NDUFS1: variants seen among roughly 807,000 people sequenced by gnomAD.
The protein encoded by NDUFS1 is NADH:ubiquinone oxidoreductase core subunit S1.
NDUFS1 carries 61 observed loss-of-function variants against 84.4 expected under a neutral mutation model. The observed-to-expected ratio is 0.72, with a 90% confidence interval of 0.59 to 0.89. The LOEUF is 0.89. NDUFS1 is among the 40% of genes least tolerant of loss of function. The pLI, the probability that NDUFS1 is intolerant of heterozygous loss-of-function variation, is 0.00. For synonymous variants in NDUFS1, 275 were observed against 290.0 expected, an observed-to-expected ratio of 0.95 and a Z score of 0.53; for missense variants, 891 against 890.0, an observed-to-expected ratio of 1.00 and a Z score of -0.01.
At chr2:206,150,871 A>G (rs889683543) in intron 3 of NDUFS1, among the ~76,000 whole-genome samples, 5 of 152,086 alleles carry the variant, frequency 3.3e-5, no homozygotes, top group Non-Finnish European at 7.4e-5. Flanking sequence ...GTTCTAAAGA[A>G]CTATTTGTCT....
At chr2:206,141,589 A>T (rs1046777384) in intron 12 of NDUFS1, among the ~76,000 whole-genome samples, 11 of 102,324 alleles carry the variant, frequency 1.1e-4, no homozygotes, top group Middle Eastern at 5.1e-3. Flanking sequence ...CTAAAAAATT[A>T]AAAAAATTAA....
At chr2:206,138,215 C>G (rs1691794749) in intron 13 of NDUFS1, among the ~76,000 whole-genome samples, 1 of 152,096 alleles carries the variant, frequency 6.6e-6, no homozygotes, top group South Asian at 2.1e-4. Context: ...TTCAGCCTCC[C>G]AAGTAGCTGA....
Position 206,132,395 on chromosome 2 carries a change from G to A in NDUFS1, c.1553+550C>T, listed in dbSNP as rs4147722. Among the ~76,000 whole-genome samples, 797 of 152,178 alleles carry A rather than the reference G, an allele frequency of 5.2e-3. 41 individuals carry two copies. The East Asian group carries it at 0.11, about 22-fold the overall frequency. Reference sequence around the variant, plus strand: ...GCCCAGGAGTTTGAGATCAACCTGGGCAACATAGTGAGACTTTATCTCTAC... The same window carrying A: ...GCCCAGGAGTTTGAGATCAACCTGGACAACATAGTGAGACTTTATCTCTAC... On this transcript the variant is annotated intron_variant, in intron 14 of 18. Transcript: ENST00000233190.
chr2:206,145,138 T>A, intron 8 of NDUFS1, 112 bp from the exon 9 acceptor site: 1 of 1,089,398 alleles, frequency 9.2e-7, no homozygotes, highest in Non-Finnish European at 1.3e-6. Context: ...TGAATTACTT[T>A]AAAAAATGAA....
intron 13 of NDUFS1, 108 bp from the exon 14 acceptor site, chr2:206,133,213 T>C (rs1448771588): frequency 3.5e-6 from 3 of 868,246 alleles, no homozygotes; most frequent in Non-Finnish European, 1.8e-6. Flanking sequence ...AGGTGTAACA[T>C]GAATGTCTTC....
intron 12 of NDUFS1, among the ~76,000 whole-genome samples, chr2:206,140,288 G>C (rs918169931): frequency 6.6e-6 from 1 of 152,072 alleles, no homozygotes; most frequent in African/African-American, 2.4e-5. Context: ...GGTCAAGGCT[G>C]CAGTGAGGTG....
rs1273282357 is a variant in NDUFS1 at position 206,159,078 on chromosome 2, G to T, written c.-5+263C>A. On this transcript the variant is annotated intron_variant, in intron 1 of 18. Coordinates refer to ENST00000233190, the MANE Select transcript of NDUFS1 (RefSeq NM_005006.7). ...TCCTGAATTTTCCCTGCAGAGGGAA[G>T]GTCACCTGCAAGCCTACATTCGTGA... 2.0e-6 allele frequency: 3 copies of T among 1,535,612 alleles called. No homozygotes were observed. The East Asian group carries it at 7.3e-5, about 38-fold the overall frequency.
At position 206,123,994 on chromosome 2, in the gene NDUFS1, C is replaced by T. The variant is rs541193818; in HGVS notation, c.*191G>A. 7 of 569,246 alleles carry T rather than the reference C, an allele frequency of 1.2e-5. No homozygotes were observed. The highest frequency in any genetic ancestry group is 2.2e-5 in the Non-Finnish European group (7 of 322,908). The allele number at this position is 569,246 out of a possible 1,614,324, so 35.3% of individuals were successfully genotyped here. A position where few individuals can be genotyped will look rare whatever the true frequency, so the allele number is the denominator to read the frequency against. ...ATAGTTTTGTTATTTAACCTTTACACACAATACATGTTTTTCAAACTGCAA... is the reference window on the plus strand; with the variant it reads ...ATAGTTTTGTTATTTAACCTTTACATACAATACATGTTTTTCAAACTGCAA... On this transcript the variant is annotated 3_prime_UTR_variant, in exon 19 of 19. Coordinates refer to ENST00000233190, the MANE Select transcript of NDUFS1 (RefSeq NM_005006.7).
At chr2:206,154,922 CTTTTTTTTTTTT>C (rs71034412) in intron 1 of NDUFS1, among the ~76,000 whole-genome samples, 2 of 100,826 alleles carry the variant, frequency 2.0e-5, no homozygotes, top group Non-Finnish European at 3.7e-5. Flanking sequence ...GTGCCCGGCC[CTTTTTTTTTTTT>C]TTTTTTTTTG....
intron 3 of NDUFS1, 70 bp from the exon 4 acceptor site, chr2:206,149,995 G>GTATGTGTGTGTTTCAGCAAT: frequency 2.0e-6 from 2 of 990,966 alleles, no homozygotes; most frequent in Non-Finnish European, 3.2e-6. Context: ...TGTTATTGCT[G>GTATGTGTGTGTTTCAGCAAT]AAACACACAC....
chr2:206,137,482 AAG>A (rs765298417), intron 13 of NDUFS1, among the ~76,000 whole-genome samples: 5 of 151,804 alleles, frequency 3.3e-5, no homozygotes, highest in African/African-American at 4.8e-5. Flanking sequence ...GCCAAGGAAA[AAG>A]AAAAAAAAAG....
chr2:206,149,597 G>C (rs1005896898), intron 4 of NDUFS1, among the ~76,000 whole-genome samples: 9 of 125,170 alleles, frequency 7.2e-5, no homozygotes, highest in Non-Finnish European at 1.5e-4. Flanking sequence ...TTAATTTCTA[G>C]ATATGTTACA....
rs973936763 is a variant in NDUFS1 at position 206,147,038 on chromosome 2, C to G, written c.602G>C (p.Gly201Ala). ...GTATGTGCCAACTTGCATATCATTT[C>G]CTCTGCCTGTTGTTCCCAAATCATC... Reference protein sequence around the residue: ...GVDDLGTTGRGNDMQVGTYIE... With the variant: ...GVDDLGTTGRANDMQVGTYIE... The change falls in exon 8 of 19, where the codon GGA becomes GCA. Residue 201 changes from glycine to alanine, a missense_variant. Coordinates refer to ENST00000233190, the MANE Select transcript of NDUFS1 (RefSeq NM_005006.7). 1.2e-6 allele frequency: 2 copies of G among 1,614,132 alleles called. No homozygotes were observed. The highest frequency in any genetic ancestry group is 1.7e-6 in the Non-Finnish European group (2 of 1,180,014).
chr2:206,130,603 T>C (rs10197764), intron 14 of NDUFS1, among the ~76,000 whole-genome samples: 3,996 of 152,126 alleles, frequency 0.026, 178 homozygotes, highest in African/African-American at 0.092. Context: ...GATCCACCTG[T>C]CTTGGCCTCC....
chr2:206,148,775 T>C (rs1470651800), intron 5 of NDUFS1, among the ~76,000 whole-genome samples: 1 of 152,212 alleles, frequency 6.6e-6, no homozygotes, highest in Non-Finnish European at 1.5e-5. Flanking sequence ...AGATTCACCC[T>C]TCTTCACAAG....
Position 206,124,167 on chromosome 2 carries a change from G to A in NDUFS1, c.*18C>T. 1 of 1,543,250 alleles carries A rather than the reference G, an allele frequency of 6.5e-7. No individual in the cohort carries two copies. Among genetic ancestry groups the A allele is most frequent in the Non-Finnish European group, 9.0e-7 (1 of 1,115,642 alleles). ...TCCATTAATTATCTGCGGCAAAACT[G>A]GGATCCTAGTAGAAGCTTCAGCATA... is the stretch of plus-strand genomic sequence containing the variant. On this transcript the variant is annotated 3_prime_UTR_variant, in exon 19 of 19. Transcript: ENST00000233190.
intron 12 of NDUFS1, among the ~76,000 whole-genome samples, chr2:206,140,930 A>ATATATACACACACACACATATACAC (rs1691915433): frequency 1.5e-5 from 2 of 134,734 alleles, no homozygotes; most frequent in African/African-American, 5.9e-5. Context: ...GTGTATATAT[A>ATATATACACACACACACATATACAC]TATATATATA....
intron 12 of NDUFS1, among the ~76,000 whole-genome samples, chr2:206,141,226 G>A (rs1185183259): frequency 1.3e-5 from 2 of 151,954 alleles, no homozygotes; most frequent in African/African-American, 2.4e-5. Flanking sequence ...GACTAGCCTG[G>A]CAACATGGCA....
At chr2:206,153,256 T>C (rs6435331) in intron 2 of NDUFS1, among the ~76,000 whole-genome samples, 119,470 of 151,000 alleles carry the variant, frequency 0.79, 48,003 homozygotes, top group East Asian at 0.95. Context: ...AGTGCAGTGG[T>C]ACAATCTTGG....
Sources: gnomAD v4.1 joint callset for allele counts (sites outside exome capture counted in the v4.1 genomes callset) on GRCh38, gnomAD v4.1.1 for gene constraint, MANE v1.5 for transcripts, NCBI Gene and HGNC (gene_info 2026-07-23, HGNC 2026-07-21) for gene names.